Variants in TRAPPC12 observed in about 807,000 individuals in gnomAD.
The protein encoded by TRAPPC12 is trafficking protein particle complex subunit 12.
TRAPPC12 carries 61 observed loss-of-function variants against 69.2 expected under a neutral mutation model. The observed-to-expected ratio is 0.88, with a 90% confidence interval of 0.72 to 1.09. The LOEUF (loss-of-function observed/expected upper bound fraction) is 1.09, where lower values mean the gene tolerates loss of function less well. Ranked by LOEUF, TRAPPC12 falls within the 50% of genes least tolerant of loss-of-function variation. The pLI, the probability that TRAPPC12 is intolerant of heterozygous loss-of-function variation, is 0.00. For synonymous variants in TRAPPC12, 469 were observed against 438.9 expected (o/e 1.07, Z -0.86); for missense variants, 1,101 against 1,016.4 (o/e 1.08, Z -1.13).
Position 3,388,217 on chromosome 2 carries a change from G to T in TRAPPC12, c.594G>T (p.Gln198His). Residue 198 changes from glutamine (Q) to histidine (H), a missense_variant, in exon 2 of 12, where the codon CAG becomes CAT. Coordinates refer to ENST00000324266, the MANE Select transcript of TRAPPC12 (RefSeq NM_016030.6). ...ASEASARTPP[Q>H]VVQPSPSLST... ...AGGCCTCGGCCAGGACACCGCCCCA[G>T]GTCGTGCAGCCCAGCCCCAGCCTCA... 6.2e-7 allele frequency: 1 copy of T among 1,608,994 alleles called. No homozygotes were observed. Among genetic ancestry groups the T allele is most frequent in the Non-Finnish European group, 8.5e-7 (1 of 1,177,850 alleles).
chr2:3,396,686 A>C (rs185941312), intron 2 of TRAPPC12, among the ~76,000 whole-genome samples: 46 of 152,168 alleles, frequency 3.0e-4, no homozygotes, highest in Non-Finnish European at 6.2e-4. Context: ...TGCTGTCCTT[A>C]AGTTCACTTA....
chr2:3,468,685 C>T (rs1261368325), intron 9 of TRAPPC12, among the ~76,000 whole-genome samples: 3 of 152,172 alleles, frequency 2.0e-5, no homozygotes, highest in Non-Finnish European at 4.4e-5. Context: ...CACGGCGGGG[C>T]AGCCACCCCA....
At chr2:3,477,973 G>A (rs1666368711) in intron 10 of TRAPPC12, 178 bp downstream of exon 10, 3 of 453,982 alleles carry the variant, frequency 6.6e-6, no homozygotes, top group Middle Eastern at 3.6e-4. Context: ...TCGCAGTGAT[G>A]TTCTTTTAGT....
At chr2:3,443,982 C>T (rs1017115128) in intron 6 of TRAPPC12, 91 bp downstream of exon 6, 9 of 941,382 alleles carry the variant, frequency 9.6e-6, no homozygotes, top group Middle Eastern at 5.1e-4. Flanking sequence ...CCCTGCCCGT[C>T]CTGCCCCATG....
chr2:3,476,839 T>C lies in TRAPPC12; in HGVS notation c.1777-856T>C, dbSNP rs1274911845. Among the ~76,000 whole-genome samples the C allele has an allele frequency of 2.0e-5, 3 of 152,318 alleles. No homozygotes were observed. The East Asian group carries it at 5.8e-4, about 29-fold the overall frequency. On this transcript the variant is annotated intron_variant, in intron 9 of 11. Coordinates refer to ENST00000324266, the MANE Select transcript of TRAPPC12 (RefSeq NM_016030.6). ...AGACAGAGGACAGCATTCTGTTAAG[T>C]TTCTGCTGCTGCCATGATAACAGAG...
chr2:3,382,654 G>A (rs6548155), intron 1 of TRAPPC12, among the ~76,000 whole-genome samples: 72,347 of 151,992 alleles, frequency 0.48, 17,218 homozygotes, highest in Admixed American at 0.51. Flanking sequence ...GGCGAAGCAC[G>A]TGGCTCACGC....
At chr2:3,416,994 C>T (rs73129474) in intron 3 of TRAPPC12, among the ~76,000 whole-genome samples, 3,890 of 151,684 alleles carry the variant, frequency 0.026, 157 homozygotes, top group African/African-American at 0.089. Flanking sequence ...GCTCCCGCTC[C>T]TCTCAGGAAG....
chr2:3,470,307 C>T (rs986605089), intron 9 of TRAPPC12, among the ~76,000 whole-genome samples: 6 of 152,264 alleles, frequency 3.9e-5, no homozygotes, highest in African/African-American at 9.6e-5. Context: ...AGGAAGCTGA[C>T]GTGCCCCTCC....
chr2:3,387,984 G>C lies in TRAPPC12; in HGVS notation c.361G>C (p.Glu121Gln), dbSNP rs371884821. The C allele has an allele frequency of 8.8e-6, 13 of 1,473,814 alleles. No homozygotes were observed. The highest frequency in any genetic ancestry group is 1.2e-5 in the Non-Finnish European group (13 of 1,118,958). The allele number at this position is 1,473,814 out of a possible 1,614,324, so 91.3% of individuals were successfully genotyped here. A position where few individuals can be genotyped will look rare whatever the true frequency, so the allele number is the denominator to read the frequency against. The change falls in exon 2 of 12, where the codon GAG (glutamate) becomes CAG (glutamine). Residue 121 changes from glutamate (E) to glutamine (Q), a missense_variant. Transcript: ENST00000324266. ...SGEADGDCAP[E>Q]DAAPSSGGAP... Reference sequence around the variant, plus strand: ...CGAGGCCGACGGCGACTGTGCCCCCGAGGACGCGGCACCCAGTAGCGGAGG... The same window carrying C: ...CGAGGCCGACGGCGACTGTGCCCCCCAGGACGCGGCACCCAGTAGCGGAGG...
At chr2:3,422,994 A>G (rs542908145) in intron 4 of TRAPPC12, among the ~76,000 whole-genome samples, 48 of 152,324 alleles carry the variant, frequency 3.2e-4, no homozygotes, top group African/African-American at 1.1e-3. Flanking sequence ...AGTCCCAGCT[A>G]CTGGGGAGAC....
intron 9 of TRAPPC12, among the ~76,000 whole-genome samples, chr2:3,468,776 A>G (rs1264721664): frequency 6.7e-6 from 1 of 148,276 alleles, no homozygotes; most frequent in East Asian, 2.0e-4. Flanking sequence ...GTCCCCACGC[A>G]CGTATCCGGA....
chr2:3,423,606 C>G (rs1460196203), intron 4 of TRAPPC12, among the ~76,000 whole-genome samples: 1 of 147,368 alleles, frequency 6.8e-6, no homozygotes, highest in African/African-American at 2.5e-5. Flanking sequence ...GTTTGTCTTT[C>G]TGTGCCTGGC....
intron 5 of TRAPPC12, 34 bp from the exon 6 acceptor site, chr2:3,443,745 C>A: frequency 6.3e-7 from 1 of 1,576,542 alleles, no homozygotes; most frequent in Non-Finnish European, 8.7e-7. Flanking sequence ...TCAGTTATGG[C>A]AAACAAACTC....
At chr2:3,439,339 G>A (rs1214170443) in intron 5 of TRAPPC12, among the ~76,000 whole-genome samples, 1 of 152,124 alleles carries the variant, frequency 6.6e-6, no homozygotes, top group Non-Finnish European at 1.5e-5. Context: ...TGTCACCCAG[G>A]CTGGAGTCCA....
intron 2 of TRAPPC12, among the ~76,000 whole-genome samples, chr2:3,399,815 G>GC (rs1558350004): frequency 3.5e-5 from 5 of 141,600 alleles, no homozygotes; most frequent in African/African-American, 1.3e-4. Flanking sequence ...CGCTCCCCCC[G>GC]CCACCGCCCC....
At chr2:3,426,900 T>C (rs942293011) in intron 5 of TRAPPC12, among the ~76,000 whole-genome samples, 3 of 152,242 alleles carry the variant, frequency 2.0e-5, no homozygotes, top group African/African-American at 7.2e-5. Context: ...CTGTTCTACC[T>C]TGTAAATTAA....
intron 2 of TRAPPC12, among the ~76,000 whole-genome samples, chr2:3,392,777 C>T (rs1218122820): frequency 1.3e-5 from 2 of 152,112 alleles, no homozygotes; most frequent in African/African-American, 4.8e-5. Context: ...CATGGAGGTG[C>T]CCGAAAAAGT....
intron 3 of TRAPPC12, among the ~76,000 whole-genome samples, chr2:3,409,741 C>CTTTTTTTT (rs1558358525): frequency 3.9e-5 from 2 of 51,752 alleles, no homozygotes; most frequent in African/African-American, 7.0e-5. Context: ...CAAAGCAAGA[C>CTTTTTTTT]TTTGTCTTTA....
intron 7 of TRAPPC12, chr2:3,458,176 G>A (rs1222890161): frequency 1.0e-6 from 1 of 1,003,814 alleles, no homozygotes; most frequent in Non-Finnish European, 1.2e-6. Context: ...TGGAGCATTG[G>A]AAACCCCTTG....
Sources: gnomAD v4.1 joint callset for allele counts (sites outside exome capture counted in the v4.1 genomes callset) on GRCh38, gnomAD v4.1.1 for gene constraint, MANE v1.5 for transcripts, NCBI Gene and HGNC (gene_info 2026-07-23, HGNC 2026-07-21) for gene names.